GTF3C1: variants seen among roughly 807,000 people sequenced by gnomAD.
GTF3C1 encodes the protein general transcription factor IIIC subunit 1, also known as general transcription factor 3C polypeptide 1.
In GTF3C1, 57 loss-of-function variants were observed where a neutral mutation model predicts 226.7. The observed-to-expected ratio is 0.25, with a 90% CI of 0.20 to 0.31. GTF3C1 has a LOEUF of 0.31. Among genes scored for constraint, GTF3C1 ranks in the 10% least tolerant of loss-of-function variants. The pLI is 1.00. For missense variants in GTF3C1, 2,217 were observed against 2,776.1 expected, an observed-to-expected ratio of 0.80 and a Z score of 4.53; for synonymous variants, 1,090 against 1,084.8, an observed-to-expected ratio of 1.00 and a Z score of -0.09.
chr16:27,522,656 A>G (rs1355382044), intron 6 of GTF3C1, among the ~76,000 whole-genome samples: 1 of 152,226 alleles, frequency 6.6e-6, no homozygotes, highest in African/African-American at 2.4e-5. Context: ...CAGGATTCTC[A>G]CACGGACTGT....
chr16:27,528,527 G>T (rs1420764277), intron 6 of GTF3C1, 71 bp downstream of exon 6: 3 of 1,188,748 alleles, frequency 2.5e-6, no homozygotes, highest in Admixed American at 4.1e-5. Context: ...CAGAGAGAGA[G>T]AGGCTGAAGC....
Position 27,470,420 on chromosome 16 carries a change from C to G in GTF3C1, c.4527-25G>C, listed in dbSNP as rs1422776054. The stretch of plus-strand genomic sequence containing the variant: ...CCTACAGACAAAAAGAAAGGAAGGG[C>G]CTGACTGAGGGCCAGCTGTGGGAAG... On this transcript the variant is annotated intron_variant, in intron 30 of 36. Coordinates refer to ENST00000356183, the MANE Select transcript of GTF3C1 (RefSeq NM_001520.4). The surrounding 1 kb of genome is among the most constrained non-coding windows in gnomAD (Gnocchi z 4.9). 1.9e-6 allele frequency: 3 copies of G among 1,599,808 alleles called. No homozygotes were observed. The highest frequency in any genetic ancestry group is 2.6e-6 in the Non-Finnish European group (3 of 1,170,620).
At chr16:27,525,178 A>AAAAGC (rs1279658260) in intron 6 of GTF3C1, among the ~76,000 whole-genome samples, 1 of 129,154 alleles carries the variant, frequency 7.7e-6, no homozygotes, top group Non-Finnish European at 1.6e-5. Context: ...AAAAGAAAAG[A>AAAAGC]AAGAAATAAA....
At position 27,480,963 on chromosome 16, in the gene GTF3C1, C is replaced by T. The variant is rs1168898695; in HGVS notation, c.4196+116G>A. On this transcript the variant is annotated intron_variant, in intron 27 of 36. Transcript: ENST00000356183. ...AGAGACAGGAGGGCCACTGCAAGGCCAAATGCAGCCAGGCAGGTGCTGTGC... is the reference window on the plus strand; with the variant it reads ...AGAGACAGGAGGGCCACTGCAAGGCTAAATGCAGCCAGGCAGGTGCTGTGC... The T allele has an allele frequency of 3.8e-6, 3 of 792,026 alleles. No individual in the cohort carries two copies. The African/African-American group carries it at 5.2e-5, about 14-fold the overall frequency. 49.1% of individuals were successfully genotyped at this position (792,026 alleles called of 1,614,324 possible). A position where few individuals can be genotyped will look rare whatever the true frequency, so the allele number is the denominator to read the frequency against.
chr16:27,466,745 G>C (rs2087792368), intron 32 of GTF3C1, among the ~76,000 whole-genome samples: 1 of 152,198 alleles, frequency 6.6e-6, no homozygotes, highest in African/African-American at 2.4e-5. Flanking sequence ...TGCTACTCCA[G>C]GGAACACACA....
chr16:27,501,476 T>C, intron 11 of GTF3C1, 132 bp from the exon 12 acceptor site: 2 of 785,442 alleles, frequency 2.5e-6, no homozygotes, highest in Non-Finnish European at 2.1e-6. Flanking sequence ...TTCCCCACCC[T>C]GGAAAGACTG....
Position 27,488,256 on chromosome 16 carries a change from G to A in GTF3C1, c.3671C>T (p.Pro1224Leu). The A allele has an allele frequency of 1.2e-6, 2 of 1,614,144 alleles. No homozygotes were observed. Among genetic ancestry groups the A allele is most frequent in the Non-Finnish European group, 1.7e-6 (2 of 1,179,998 alleles). Residue 1224 changes from proline to leucine, a missense_variant, in exon 23 of 37, where the codon CCT becomes CTT. Around this residue, in one of 12 missense-constraint regions of GTF3C1, gnomAD observed 546 missense variants for 663.0 expected, o/e 0.82. Transcript: ENST00000356183. ...CTTCTTTCTCTTGATCTTCTTCCCA[G>A]GGTCCTTCTTCAGCCGCTTCCGCTT... ...SQKRKRLKKD[P>L]GKKIKRKKKG...
chr16:27,462,311 C>T lies in GTF3C1; in HGVS notation c.6100G>A (p.Val2034Met), dbSNP rs143019604. Residue 2034 changes from valine (V) to methionine (M), a missense_variant, in exon 36 of 37, where the codon GTG (valine) becomes ATG (methionine). Val to Met is a conservative substitution (Grantham distance 21). This residue lies in a region of GTF3C1 where 153 missense variants were observed against 199.8 expected (regional missense o/e 0.77). Coordinates refer to ENST00000356183, the MANE Select transcript of GTF3C1 (RefSeq NM_001520.4). This position sits in a 1 kb window ranked among gnomAD's most constrained non-coding sequence, Gnocchi z 4.5. ...CCCCACACCTGGAGCAACTCCAGCA[C>T]GGCGACGGGCTGCAGGACCCCCTGG... ...HYQGVLQPVAVLELLQGLESL... is the reference protein window; with the variant it reads ...HYQGVLQPVAMLELLQGLESL... 133 of 1,553,234 alleles carry T rather than the reference C, an allele frequency of 8.6e-5. No individual in the cohort carries two copies. Among genetic ancestry groups the T allele is most frequent in the Admixed American group, 3.7e-4 (19 of 51,274 alleles).
intron 28 of GTF3C1, 127 bp from the exon 29 acceptor site, chr16:27,476,671 A>G (rs1055877449): frequency 9.4e-6 from 6 of 639,072 alleles, no homozygotes; most frequent in Non-Finnish European, 1.7e-5. Context: ...TATTCACAAA[A>G]GAAAACACAA....
At position 27,545,354 on chromosome 16, in the gene GTF3C1, A is replaced by T; in HGVS notation, c.391T>A (p.Ser131Thr). 6.2e-7 allele frequency: 1 copy of T among 1,614,014 alleles called. No individual in the cohort carries two copies. Among genetic ancestry groups the T allele is most frequent in the Non-Finnish European group, 8.5e-7 (1 of 1,179,876 alleles). Reference protein sequence around the residue: ...KNITNDIRTKSLQPRCTMVEA... With the variant: ...KNITNDIRTKTLQPRCTMVEA... ...ACCATTGTACAGCGAGGCTGCAAGG[A>T]CTTGGTTCTGATGTCATTGGTAATG... The change falls in exon 2 of 37, where the codon TCC becomes ACC. Residue 131 changes from serine to threonine, a missense_variant. This residue lies in a region of GTF3C1 where 192 missense variants were observed against 251.8 expected (regional missense o/e 0.76). Coordinates refer to ENST00000356183, the MANE Select transcript of GTF3C1 (RefSeq NM_001520.4).
chr16:27,482,642 G>T (rs550452363), intron 26 of GTF3C1: 2 of 458,430 alleles, frequency 4.4e-6, no homozygotes, highest in Non-Finnish European at 8.8e-6. Flanking sequence ...GAGGCGAAGG[G>T]CAGGAGTCTG....
At chr16:27,486,901 G>T (rs140398437) in intron 23 of GTF3C1, among the ~76,000 whole-genome samples, 107 of 152,248 alleles carry the variant, frequency 7.0e-4, no homozygotes, top group African/African-American at 2.1e-3. Context: ...TTTTGTTGAG[G>T]AACACAGAGA....
In GTF3C1 at chr16:27,464,747, G is replaced by C. The variant is rs748624940; in HGVS notation, c.5445C>G (p.His1815Gln). The change falls in exon 34 of 37, where the codon CAC becomes CAG. Residue 1815 changes from histidine to glutamine, a missense_variant. His to Gln is a conservative substitution (Grantham distance 24). Around this residue, in one of 12 missense-constraint regions of GTF3C1, gnomAD observed 455 missense variants for 441.9 expected, o/e 1.03. Transcript: ENST00000356183. ...CTTCTCTGTCTTTCAGCCGCACGGAGTGCAGGAGCCAAGGCCAGGCAGAGC... is the reference window on the plus strand; with the variant it reads ...CTTCTCTGTCTTTCAGCCGCACGGACTGCAGGAGCCAAGGCCAGGCAGAGC... ...AMGSAWPWLLHSVRLKDREDA... is the reference protein window; with the variant it reads ...AMGSAWPWLLQSVRLKDREDA... 6.3e-7 allele frequency: 1 copy of C among 1,591,458 alleles called. No individual in the cohort carries two copies. The highest frequency in any genetic ancestry group is 8.5e-7 in the Non-Finnish European group (1 of 1,176,890).
chr16:27,479,318 AT>A (rs34141031), intron 27 of GTF3C1, among the ~76,000 whole-genome samples: 25,004 of 149,646 alleles, frequency 0.17, 2,198 homozygotes, highest in Middle Eastern at 0.23. Flanking sequence ...CCATTTCCCC[AT>A]TTTTTTTTTG....
intron 2 of GTF3C1, among the ~76,000 whole-genome samples, chr16:27,542,740 G>A (rs1215584033): frequency 4.6e-5 from 7 of 152,138 alleles, no homozygotes; most frequent in Admixed American, 6.5e-5. Flanking sequence ...GTGGGTTGAT[G>A]TAAAGCAAGG....
At chr16:27,500,550 G>T (rs1452890257) in intron 12 of GTF3C1, among the ~76,000 whole-genome samples, 1 of 152,116 alleles carries the variant, frequency 6.6e-6, no homozygotes, top group African/African-American at 2.4e-5. Context: ...AGAAGAAAAG[G>T]TCAGGAAATT....
Position 27,460,626 on chromosome 16 carries a change from C to A in GTF3C1, c.*724G>T, listed in dbSNP as rs1237686876. ...CACAAAACAGAATGCATTTTACTTC[C>A]CTTTAATCAAAAAATAAATAAGTAC... is the stretch of plus-strand genomic sequence containing the variant. On this transcript the variant is annotated 3_prime_UTR_variant, in exon 37 of 37. Transcript: ENST00000356183. 1.3e-5 allele frequency: 2 copies of A among 151,980 alleles called. No individual in the cohort carries two copies. The highest frequency in any genetic ancestry group is 2.4e-5 in the African/African-American group (1 of 41,380). The allele number at this position is 151,980 out of a possible 1,614,324, so 9.4% of individuals were successfully genotyped here. A position where few individuals can be genotyped will look rare whatever the true frequency, so the allele number is the denominator to read the frequency against.
rs1016073588 is a variant in GTF3C1, at chr16:27,475,179, C to T, written c.4353+1272G>A. ...TGCAAGGGTGGCCCATGGGCCCCTT[C>T]GGGATTGGGGAGGGGTGGCACACTC... is the stretch of plus-strand genomic sequence containing the variant. On this transcript the variant is annotated intron_variant, in intron 29 of 36. Transcript: ENST00000356183. Among the ~76,000 whole-genome samples, 14 of 152,274 alleles carry T rather than the reference C, an allele frequency of 9.2e-5. No homozygotes were observed. The South Asian group carries it at 1.0e-3, about 11-fold the overall frequency.
chr16:27,520,728 T>C (rs1270763817), intron 6 of GTF3C1, among the ~76,000 whole-genome samples: 1 of 152,146 alleles, frequency 6.6e-6, no homozygotes, highest in Non-Finnish European at 1.5e-5. Flanking sequence ...ATGCTTTTTT[T>C]GTTGTTGTTG....
Sources: gnomAD v4.1 joint callset for allele counts (sites outside exome capture counted in the v4.1 genomes callset) on GRCh38, gnomAD v4.1.1 for gene constraint, gnomAD v4.1.1 regional missense constraint, Gnocchi (gnomAD v3.1) non-coding constraint, MANE v1.5 for transcripts, NCBI Gene and HGNC (gene_info 2026-07-23, HGNC 2026-07-21) for gene names.